The following MAGI1 variants were observed in gnomAD, a reference collection of about 807,000 sequenced individuals.
MAGI1 encodes membrane associated guanylate kinase, WW and PDZ domain containing 1.
A neutral mutation model predicts 139.9 loss-of-function variants in MAGI1; 58 were observed. That is an observed-to-expected ratio of 0.41 (90% CI 0.34 to 0.52). The LOEUF (loss-of-function observed/expected upper bound fraction) is 0.52, where lower values mean the gene tolerates loss of function less well. MAGI1 is among the 20% of genes least tolerant of loss of function. MAGI1 has a pLI of 0.12. For synonymous variants in MAGI1, 812 were observed against 737.9 expected (o/e 1.10, Z -1.63); for missense variants, 1,874 against 1,901.6 (o/e 0.99, Z 0.27).
chr3:65,665,276 T>G (rs1001741253), intron 1 of MAGI1, among the ~76,000 whole-genome samples: 6 of 152,136 alleles, frequency 3.9e-5, no homozygotes, highest in African/African-American at 7.2e-5. Context: ...CACAATAATA[T>G]ATGTCCAGAA....
intron 1 of MAGI1, among the ~76,000 whole-genome samples, chr3:65,663,656 A>G (rs2086331275): frequency 6.6e-6 from 1 of 152,190 alleles, no homozygotes; most frequent in African/African-American, 2.4e-5. Context: ...TGAGCAAGCC[A>G]CAGTGGCAGC....
At chr3:65,645,842 T>A (rs2085229036) in intron 1 of MAGI1, among the ~76,000 whole-genome samples, 1 of 152,004 alleles carries the variant, frequency 6.6e-6, no homozygotes, top group South Asian at 2.1e-4. Context: ...ATATCTATTT[T>A]TACAGCCCTT....
intron 1 of MAGI1, among the ~76,000 whole-genome samples, chr3:65,828,248 G>A (rs191656171): frequency 6.6e-6 from 1 of 152,242 alleles, no homozygotes; most frequent in Non-Finnish European, 1.5e-5. Flanking sequence ...GGCCAGAGGA[G>A]GACCATCAGG....
intron 1 of MAGI1, among the ~76,000 whole-genome samples, chr3:65,795,342 A>G (rs2040055073): frequency 2.6e-5 from 4 of 152,138 alleles, no homozygotes; most frequent in Admixed American, 2.6e-4. Context: ...ACCATGTAAC[A>G]CTACTCAGCA....
chr3:65,623,599 C>T (rs2083805153), intron 1 of MAGI1, among the ~76,000 whole-genome samples: 1 of 152,040 alleles, frequency 6.6e-6, no homozygotes, highest in Admixed American at 6.5e-5. Flanking sequence ...TGCAGCAACC[C>T]AGGAGTCACG....
At chr3:65,919,837 C>T (rs2062088884) in intron 1 of MAGI1, among the ~76,000 whole-genome samples, 6 of 152,116 alleles carry the variant, frequency 3.9e-5, no homozygotes, top group Admixed American at 3.9e-4. Flanking sequence ...CTAACTACTG[C>T]TTTGAACACT....
rs375630283 is a variant in MAGI1, at chr3:65,442,864, A to G, written c.1079-15T>C. 6.1e-4 allele frequency: 988 copies of G among 1,608,598 alleles called. 6 individuals carry two copies. The highest frequency in any genetic ancestry group is 2.0e-3 in the South Asian group (185 of 90,980). ...AGCAGGCAGTTCTGAAAAATAAAAGAACATTTAGGGCAAGAAGAGCATATT... is the reference window on the plus strand; with the variant it reads ...AGCAGGCAGTTCTGAAAAATAAAAGGACATTTAGGGCAAGAAGAGCATATT... On this transcript the variant is annotated splice_polypyrimidine_tract_variant and intron_variant, in intron 7 of 22. Transcript: ENST00000402939.
Position 65,741,654 on chromosome 3 carries a change from T to C in MAGI1, c.314-119566A>G, listed in dbSNP as rs1452414148. 3.3e-5 allele frequency among the ~76,000 whole-genome samples: 5 copies of C among 152,364 alleles called. 1 individual carries two copies. Among genetic ancestry groups the C allele is most frequent in the African/African-American group, 1.2e-4 (5 of 41,592 alleles). On this transcript the variant is annotated intron_variant, in intron 1 of 22. Transcript: ENST00000402939. ...TTGCAGAGTTTTTAAAGAAGCCACG[T>C]TGAGAAGACTCATTTTAAACCATGC...
At chr3:65,438,702 G>T (rs746684414) in intron 9 of MAGI1, among the ~76,000 whole-genome samples, 1 of 152,190 alleles carries the variant, frequency 6.6e-6, no homozygotes, top group Non-Finnish European at 1.5e-5. Context: ...TGTGAGCCAA[G>T]AATAACTTTT....
chr3:65,798,872 A>G (rs1353692898), intron 1 of MAGI1, among the ~76,000 whole-genome samples: 1 of 152,172 alleles, frequency 6.6e-6, no homozygotes, highest in Non-Finnish European at 1.5e-5. Flanking sequence ...TCAAAGGGGA[A>G]CCGGCCTTTA....
At chr3:65,926,944 G>A (rs943640409) in intron 1 of MAGI1, among the ~76,000 whole-genome samples, 3 of 152,132 alleles carry the variant, frequency 2.0e-5, no homozygotes, top group East Asian at 1.9e-4. Flanking sequence ...GCAGTGAGCC[G>A]AGATTGCGCC....
At chr3:65,373,400 T>C (rs1289678972) in intron 18 of MAGI1, among the ~76,000 whole-genome samples, 1 of 152,066 alleles carries the variant, frequency 6.6e-6, no homozygotes, top group African/African-American at 2.4e-5. Flanking sequence ...ACATCAGAGA[T>C]CACAGGTCAT....
At chr3:65,761,826 A>G (rs2037056737) in intron 1 of MAGI1, among the ~76,000 whole-genome samples, 1 of 152,138 alleles carries the variant, frequency 6.6e-6, no homozygotes, top group Non-Finnish European at 1.5e-5. Flanking sequence ...CCCTCCCTTC[A>G]AGGATTGCTG....
At chr3:65,626,664 A>C (rs1241395154) in intron 1 of MAGI1, among the ~76,000 whole-genome samples, 1 of 152,128 alleles carries the variant, frequency 6.6e-6, no homozygotes, top group Non-Finnish European at 1.5e-5. Context: ...TTTACACCTA[A>C]GCTTATATTC....
At chr3:66,037,769 T>TC (rs1285380540) in intron 1 of MAGI1, among the ~76,000 whole-genome samples, 1 of 151,844 alleles carries the variant, frequency 6.6e-6, no homozygotes, top group South Asian at 2.1e-4. Flanking sequence ...CTGAGAAACG[T>TC]CCCCCCGCTA....
chr3:65,380,143 G>A (rs1942925541), intron 16 of MAGI1, among the ~76,000 whole-genome samples: 1 of 152,200 alleles, frequency 6.6e-6, no homozygotes, highest in Non-Finnish European at 1.5e-5. Context: ...CATCGACTCT[G>A]ATCACAGAAC....
At chr3:65,362,560 C>T (rs1487894409) in intron 21 of MAGI1, among the ~76,000 whole-genome samples, 1 of 152,164 alleles carries the variant, frequency 6.6e-6, no homozygotes, top group African/African-American at 2.4e-5. Flanking sequence ...TTTCTTAAAA[C>T]ACATTCAATG....
chr3:65,892,096 A>T (rs969646065), intron 1 of MAGI1, among the ~76,000 whole-genome samples: 5 of 151,442 alleles, frequency 3.3e-5, no homozygotes, highest in Non-Finnish European at 5.9e-5. Flanking sequence ...CACAGTCTTT[A>T]ATTAGAGTCT....
At chr3:65,989,833 C>G (rs1421818259) in intron 1 of MAGI1, among the ~76,000 whole-genome samples, 3 of 152,156 alleles carry the variant, frequency 2.0e-5, no homozygotes, top group Admixed American at 6.5e-5. Flanking sequence ...GCCACTGCAC[C>G]TGACCCAGAC....
Sources: allele counts gnomAD v4.1 joint callset (sites outside exome capture counted in the v4.1 genomes callset), GRCh38; gene constraint gnomAD v4.1.1; transcripts MANE v1.5; gene names NCBI Gene and HGNC (gene_info 2026-07-23, HGNC 2026-07-21).